Variants in THSD7B observed in about 807,000 individuals in gnomAD.
THSD7B encodes thrombospondin type 1 domain containing 7B.
In THSD7B, 138 loss-of-function variants were observed where a neutral mutation model predicts 213.6. That is an observed-to-expected ratio of 0.65 (90% CI 0.56 to 0.74). The LOEUF (loss-of-function observed/expected upper bound fraction) is 0.74. Ranked by LOEUF, THSD7B falls within the 30% of genes least tolerant of loss-of-function variation. The pLI is 0.00. For missense variants in THSD7B, 1,931 were observed against 1,991.5 expected (o/e 0.97, Z 0.58); for synonymous variants, 742 against 687.0 (o/e 1.08, Z -1.25).
At chr2:137,171,394 A>G (rs1680248626) in intron 7 of THSD7B, among the ~76,000 whole-genome samples, 2 of 152,192 alleles carry the variant, frequency 1.3e-5, no homozygotes, top group Admixed American at 1.3e-4. Flanking sequence ...TTTATATGAC[A>G]TTAGAGTTGA....
At chr2:137,588,584 T>A (rs1167770964) in intron 17 of THSD7B, among the ~76,000 whole-genome samples, 1 of 151,966 alleles carries the variant, frequency 6.6e-6, no homozygotes, top group African/African-American at 2.4e-5. Flanking sequence ...ATAGCATATT[T>A]TTATTAGATT....
intron 27 of THSD7B, 54 bp downstream of exon 27, chr2:137,667,915 T>C (rs1683482086): frequency 1.4e-6 from 2 of 1,419,808 alleles, no homozygotes; most frequent in South Asian, 2.6e-5. Context: ...GATTTCATGT[T>C]ATACTTAAAA....
At chr2:137,598,936 GGTTA>G in intron 17 of THSD7B, among the ~76,000 whole-genome samples, 1 of 149,246 alleles carries the variant, frequency 6.7e-6, no homozygotes, top group East Asian at 2.0e-4. Flanking sequence ...ACATTGTGCA[GGTTA>G]GTTACATATG....
chr2:137,328,545 G>A (rs555780684), intron 12 of THSD7B, among the ~76,000 whole-genome samples: 22 of 152,208 alleles, frequency 1.4e-4, no homozygotes, highest in African/African-American at 3.6e-4. Flanking sequence ...TAGCAGTTAC[G>A]CTTCTTCCTT....
At chr2:137,454,706 G>C (rs2105071339) in intron 15 of THSD7B, among the ~76,000 whole-genome samples, 1 of 152,062 alleles carries the variant, frequency 6.6e-6, no homozygotes, top group South Asian at 2.1e-4. Flanking sequence ...CTTTAGAGGA[G>C]GCCACTATTT....
intron 12 of THSD7B, among the ~76,000 whole-genome samples, chr2:137,344,066 C>A (rs1339158886): frequency 2.6e-5 from 4 of 151,690 alleles, no homozygotes; most frequent in African/African-American, 9.7e-5. Flanking sequence ...GTATTGGCCG[C>A]ATTAGATTCT....
intron 4 of THSD7B, among the ~76,000 whole-genome samples, chr2:137,113,015 G>A (rs576969916): frequency 6.6e-6 from 1 of 152,122 alleles, no homozygotes; most frequent in South Asian, 2.1e-4. Context: ...CTTGTCATCT[G>A]TACCACACTA....
intron 20 of THSD7B, among the ~76,000 whole-genome samples, chr2:137,632,519 T>C (rs1323902699): frequency 6.6e-6 from 1 of 152,192 alleles, no homozygotes; most frequent in Non-Finnish European, 1.5e-5. Flanking sequence ...ATTGTGGGTA[T>C]TGCTGCTGTT....
chr2:137,014,384 T>C (rs1220235968), intron 2 of THSD7B, among the ~76,000 whole-genome samples: 2 of 152,194 alleles, frequency 1.3e-5, no homozygotes, highest in South Asian at 2.1e-4. Context: ...GGCACCTGCA[T>C]GATGGTGGTC....
intron 4 of THSD7B, among the ~76,000 whole-genome samples, chr2:137,102,418 A>G (rs1688168726): frequency 6.6e-6 from 1 of 152,250 alleles, no homozygotes; most frequent in African/African-American, 2.4e-5. Flanking sequence ...AGATAAATCC[A>G]TGAAGATGAG....
intron 2 of THSD7B, among the ~76,000 whole-genome samples, chr2:136,962,403 C>CTTTTTTTTTTTTT (rs71400559): frequency 5.0e-5 from 5 of 100,182 alleles, no homozygotes; most frequent in Non-Finnish European, 7.4e-5. Context: ...AATCTGTTAT[C>CTTTTTTTTTTTTT]TTTTTTTTTT....
At chr2:136,859,285 A>G (rs1043130308) in intron 1 of THSD7B, among the ~76,000 whole-genome samples, 3 of 152,182 alleles carry the variant, frequency 2.0e-5, no homozygotes, top group Non-Finnish European at 2.9e-5. Context: ...AACATTACCA[A>G]TTTTAAAGTG....
intron 1 of THSD7B, among the ~76,000 whole-genome samples, chr2:136,781,915 T>C (rs935122790): frequency 2.6e-5 from 4 of 152,196 alleles, no homozygotes; most frequent in African/African-American, 9.7e-5. Flanking sequence ...ATGTGACATA[T>C]ACATTTTTGA....
chr2:136,899,249 C>T (rs963645505), intron 2 of THSD7B, among the ~76,000 whole-genome samples: 3 of 152,136 alleles, frequency 2.0e-5, no homozygotes, highest in Admixed American at 6.5e-5. Flanking sequence ...GTCGAGTGCT[C>T]TAAAATCCCA....
chr2:137,130,720 A>C (rs1688713700), intron 5 of THSD7B, among the ~76,000 whole-genome samples: 1 of 149,558 alleles, frequency 6.7e-6, no homozygotes, highest in African/African-American at 2.5e-5. Flanking sequence ...ATCATTTTTT[A>C]TGGCTGCATA....
intron 2 of THSD7B, among the ~76,000 whole-genome samples, chr2:136,944,611 T>TG (rs1277003195): frequency 6.6e-6 from 1 of 152,198 alleles, no homozygotes; most frequent in Non-Finnish European, 1.5e-5. Context: ...GCTCTTCTTG[T>TG]TGAATTGATC....
In THSD7B at chr2:137,380,257, G is replaced by GAAA. The variant is rs35787240; in HGVS notation, c.2501-25345_2501-25343dup. Among the ~76,000 whole-genome samples the GAAA allele has an allele frequency of 2.3e-4, 34 of 145,778 alleles. 1 individual carries two copies. Among genetic ancestry groups the GAAA allele is most frequent in the African/African-American group, 3.8e-4 (15 of 39,856 alleles). Reference sequence around the variant, plus strand: ...CGATAACTCATCTCTACAAAAAATAGAAAAAAAAAAAAATAGCCACGCATG... The same window carrying GAAA: ...CGATAACTCATCTCTACAAAAAATAGAAAAAAAAAAAAAAAATAGCCACGCATG... On this transcript the variant is annotated intron_variant, in intron 12 of 27. Transcript: ENST00000409968.
intron 15 of THSD7B, among the ~76,000 whole-genome samples, chr2:137,525,627 A>G (rs1228225688): frequency 6.6e-6 from 1 of 152,182 alleles, no homozygotes; most frequent in Non-Finnish European, 1.5e-5. Flanking sequence ...TTTTGAACAT[A>G]ATAATGCAAT....
intron 1 of THSD7B, among the ~76,000 whole-genome samples, chr2:136,868,647 TCAA>T (rs1465267719): frequency 6.6e-6 from 1 of 152,208 alleles, no homozygotes; most frequent in East Asian, 1.9e-4. Flanking sequence ...ATCTCAAAGT[TCAA>T]CAGCATTTGA....
Sources: allele counts gnomAD v4.1 joint callset (sites outside exome capture counted in the v4.1 genomes callset), GRCh38; gene constraint gnomAD v4.1.1; transcripts MANE v1.5; gene names NCBI Gene and HGNC (gene_info 2026-07-23, HGNC 2026-07-21).